The following C6orf89 variants were observed in gnomAD, a reference collection of about 807,000 sequenced individuals.
C6orf89 encodes bombesin receptor-activated protein C6orf89.
A neutral mutation model predicts 40.7 loss-of-function variants in C6orf89; 29 were observed. The observed-to-expected ratio is 0.71, with a 90% CI of 0.53 to 0.97. The LOEUF is 0.97. Among genes scored for constraint, C6orf89 ranks in the 50% least tolerant of loss-of-function variants. C6orf89 has a pLI of 0.00. For missense variants in C6orf89, 392 were observed against 429.1 expected (o/e 0.91, Z 0.76); for synonymous variants, 165 against 152.2 (o/e 1.08, Z -0.62).
intron 1 of C6orf89, chr6:36,874,877 A>G (rs1338202627): frequency 2.3e-6 from 3 of 1,331,418 alleles, no homozygotes; most frequent in Non-Finnish European, 3.2e-6. Flanking sequence ...AACCCTTTCG[A>G]TACCAGGATT....
In C6orf89 at chr6:36,923,774, C is replaced by A; in HGVS notation, c.*333C>A. The A allele has an allele frequency of 2.8e-6, 1 of 360,096 alleles. No individual in the cohort carries two copies. Among genetic ancestry groups the A allele is most frequent in the South Asian group, 2.2e-5 (1 of 45,916 alleles). 22.3% of individuals were successfully genotyped at this position (360,096 alleles called of 1,614,324 possible). On this transcript the variant is annotated 3_prime_UTR_variant, in exon 9 of 9. Coordinates refer to ENST00000480824, the MANE Select transcript of C6orf89 (RefSeq NM_001286635.2). ...GAAACAGGGCTGGTGCCTTTCTTCA[C>A]CTGCATGGCCAGCTTCCTTCCCTGG...
chr6:36,894,426 T>C lies in C6orf89; in HGVS notation c.-119-78T>C, dbSNP rs527938091. 8.2e-6 allele frequency: 4 copies of C among 490,526 alleles called. No individual in the cohort carries two copies. In the Admixed American group the frequency reaches 2.6e-4, roughly 31 times the overall value. The allele number at this position is 490,526 out of a possible 1,614,324, so 30.4% of individuals were successfully genotyped here. A position where few individuals can be genotyped will look rare whatever the true frequency, so the allele number is the denominator to read the frequency against. On this transcript the variant is annotated intron_variant, in intron 1 of 8. Coordinates refer to ENST00000480824, the MANE Select transcript of C6orf89 (RefSeq NM_001286635.2). ...GTCTTTGTTAGTTTAAACAGGAAAATGGCATCTCAGAATCACTGATCACAA... is the reference window on the plus strand; with the variant it reads ...GTCTTTGTTAGTTTAAACAGGAAAACGGCATCTCAGAATCACTGATCACAA...
At chr6:36,882,396 A>T (rs141390270), upstream of C6orf89, among the ~76,000 whole-genome samples, 1 of 152,256 alleles carries the variant, frequency 6.6e-6, no homozygotes, top group Non-Finnish European at 1.5e-5. Flanking sequence ...ATTAGCTATC[A>T]GTGCTATGCA....
intron 7 of C6orf89, among the ~76,000 whole-genome samples, chr6:36,918,716 G>A (rs1762409591): frequency 6.6e-6 from 1 of 152,138 alleles, no homozygotes; most frequent in Non-Finnish European, 1.5e-5. Context: ...GGGGTTTTCT[G>A]TCATCATCAA....
intron 2 of C6orf89, among the ~76,000 whole-genome samples, chr6:36,897,129 CAAA>C (rs34191608): frequency 9.7e-4 from 83 of 85,362 alleles, no homozygotes; most frequent in Middle Eastern, 6.6e-3. Context: ...GACTCTGTCT[CAAA>C]AAAAAAAAAA....
chr6:36,920,040 G>T (rs534269843), intron 8 of C6orf89, among the ~76,000 whole-genome samples: 1 of 152,304 alleles, frequency 6.6e-6, no homozygotes, highest in Non-Finnish European at 1.5e-5. Context: ...ACCACCCCAA[G>T]GCCCCACTGT....
chr6:36,908,513 A>G (rs867901827), intron 4 of C6orf89, among the ~76,000 whole-genome samples: 21 of 152,306 alleles, frequency 1.4e-4, no homozygotes, highest in Middle Eastern at 6.8e-3. Flanking sequence ...TTTTCTACTC[A>G]AGCAACTGCT....
chr6:36,879,693 C>A (rs1774751801), intron 2 of C6orf89, among the ~76,000 whole-genome samples: 1 of 152,036 alleles, frequency 6.6e-6, no homozygotes, highest in Non-Finnish European at 1.5e-5. Flanking sequence ...GCTTAGGACC[C>A]CACAAGCTCG....
rs140986907 is a variant in C6orf89, at chr6:36,899,596, C to T, written c.152C>T (p.Pro51Leu). ...CTGGAAAAGAATGAACCTCAGAGAC[C>T]CCCCCCGCAGTATCCTCTCCTTATA... ...QLLEKNEPQR[P>L]PPQYPLLIVV... The change falls in exon 3 of 9, where the codon CCC becomes CTC. Residue 51 changes from proline to leucine, a missense_variant. Pro to Leu is a moderately conservative substitution (Grantham distance 98). Coordinates refer to ENST00000480824, the MANE Select transcript of C6orf89 (RefSeq NM_001286635.2). 2.5e-6 allele frequency: 4 copies of T among 1,613,790 alleles called. No homozygotes were observed. The highest frequency in any genetic ancestry group is 2.2e-5 in the South Asian group (2 of 91,062).
In C6orf89 at chr6:36,919,572, C is replaced by A. The variant is rs757011147; in HGVS notation, c.826-6C>A. On this transcript the variant is annotated splice_region_variant and splice_polypyrimidine_tract_variant and intron_variant, in intron 7 of 8. Transcript: ENST00000480824. ...CTTTTCCTCCCCTCCTCATTCTTTC[C>A]TCCAGATGCATAAGATGCCTGACCT... 1 of 1,611,662 alleles carries A rather than the reference C, an allele frequency of 6.2e-7. No individual in the cohort carries two copies. Among genetic ancestry groups the A allele is most frequent in the South Asian group, 1.1e-5 (1 of 90,916 alleles).
chr6:36,899,515 C>T lies in C6orf89; in HGVS notation c.71C>T (p.Thr24Ile). The change falls in exon 3 of 9, where the codon ACC becomes ATC. Residue 24 changes from threonine (T) to isoleucine (I), a missense_variant. Physicochemically the swap from Thr to Ile is moderately conservative, Grantham distance 89 (BLOSUM62 -1). Coordinates refer to ENST00000480824, the MANE Select transcript of C6orf89 (RefSeq NM_001286635.2). ...LSETVDLVRQTGHQCGMSEKA... is the reference protein window; with the variant it reads ...LSETVDLVRQIGHQCGMSEKA... ...GAGACTGTTGATTTGGTGAGACAGACCGGCCATCAGTGTGGCATGTCAGAG... is the reference window on the plus strand; with the variant it reads ...GAGACTGTTGATTTGGTGAGACAGATCGGCCATCAGTGTGGCATGTCAGAG... The T allele has an allele frequency of 1.2e-6, 2 of 1,614,082 alleles. No individual in the cohort carries two copies. The highest frequency in any genetic ancestry group is 8.5e-7 in the Non-Finnish European group (1 of 1,180,022).
At position 36,913,546 on chromosome 6, in the gene C6orf89, T is replaced by C. The variant is rs149889956; in HGVS notation, c.404-738T>C. 2.9e-3 allele frequency among the ~76,000 whole-genome samples: 444 copies of C among 152,280 alleles called. 1 individual carries two copies. The highest frequency in any genetic ancestry group is 0.01 in the African/African-American group (425 of 41,552). On this transcript the variant is annotated intron_variant, in intron 4 of 8. Coordinates refer to ENST00000480824, the MANE Select transcript of C6orf89 (RefSeq NM_001286635.2). ...GAAGTGCATTAGGGCACAGCGATAA[T>C]AGGGGTCACCCTTCTATCCACACCA...
chr6:36,896,152 G>T (rs1323354188), intron 2 of C6orf89, among the ~76,000 whole-genome samples: 1 of 152,156 alleles, frequency 6.6e-6, no homozygotes, highest in Non-Finnish European at 1.5e-5. Flanking sequence ...CTGTCACCCA[G>T]GCTGGAGTGC....
intron 8 of C6orf89, among the ~76,000 whole-genome samples, chr6:36,923,140 G>A (rs755036769): frequency 6.6e-6 from 1 of 152,042 alleles, no homozygotes; most frequent in African/African-American, 2.4e-5. Flanking sequence ...AGACCAGCCT[G>A]GGCAATATAG....
In C6orf89 at chr6:36,897,068, G is replaced by A. The variant is rs575049538; in HGVS notation, c.-19-2358G>A. Among the ~76,000 whole-genome samples the A allele has an allele frequency of 1.7e-4, 25 of 149,958 alleles. No individual in the cohort carries two copies. The South Asian group carries it at 4.0e-3, about 24-fold the overall frequency. The stretch of plus-strand genomic sequence containing the variant: ...CGCTTGAACTCGGGAGGCGGAAGTG[G>A]CAGTGAGCCAAGATCGCGCCACTGC... On this transcript the variant is annotated intron_variant, in intron 2 of 8. Coordinates refer to ENST00000480824, the MANE Select transcript of C6orf89 (RefSeq NM_001286635.2).
At chr6:36,887,506 G>A (rs1259943405) in intron 1 of C6orf89, among the ~76,000 whole-genome samples, 6 of 152,176 alleles carry the variant, frequency 3.9e-5, no homozygotes, top group Admixed American at 2.0e-4. Flanking sequence ...CCCTAGAGGT[G>A]CATAGGACAA....
chr6:36,874,911 G>A, intron 1 of C6orf89: 1 of 922,240 alleles, frequency 1.1e-6, no homozygotes, highest in Non-Finnish European at 1.7e-6. Context: ...CAAGGAAGAG[G>A]ACGGTCCCTT....
chr6:36,882,770 G>A (rs558579036), upstream of C6orf89, among the ~76,000 whole-genome samples: 3 of 126,194 alleles, frequency 2.4e-5, no homozygotes, highest in Admixed American at 3.0e-4. Flanking sequence ...TCGCTCTGTC[G>A]CCCAGGCGGG....
At chr6:36,921,940 A>T (rs950700240) in intron 8 of C6orf89, among the ~76,000 whole-genome samples, 2 of 151,792 alleles carry the variant, frequency 1.3e-5, no homozygotes, top group Non-Finnish European at 2.9e-5. Context: ...AGTTGGGAGG[A>T]TCTCTTGAGC....
Sources: allele counts gnomAD v4.1 joint callset (sites outside exome capture counted in the v4.1 genomes callset), GRCh38; gene constraint gnomAD v4.1.1; transcripts MANE v1.5; gene names NCBI Gene and HGNC (gene_info 2026-07-23, HGNC 2026-07-21).